GPC5: variants seen among roughly 807,000 people sequenced by gnomAD.
GPC5 encodes glypican 5.
Under a neutral mutation model 53.9 loss-of-function variants are expected in GPC5, and 47 were observed. The ratio of observed to expected loss-of-function variants is 0.87; its 90% confidence interval spans 0.69 to 1.11. GPC5 has a LOEUF of 1.11. Among genes scored for constraint, GPC5 ranks in the 50% most tolerant of loss-of-function variants. GPC5 has a pLI of 0.00. For missense variants in GPC5, 748 were observed against 713.1 expected, an observed-to-expected ratio of 1.05 and a Z score of -0.56; for synonymous variants, 286 against 263.3, an observed-to-expected ratio of 1.09 and a Z score of -0.84.
At chr13:92,567,502 C>T (rs974614321) in intron 7 of GPC5, among the ~76,000 whole-genome samples, 1 of 152,122 alleles carries the variant, frequency 6.6e-6, no homozygotes, top group African/African-American at 2.4e-5. Flanking sequence ...GGCATGAATG[C>T]TGTGAATCAA....
intron 7 of GPC5, among the ~76,000 whole-genome samples, chr13:92,371,051 A>C (rs1249727211): frequency 1.3e-5 from 2 of 152,166 alleles, no homozygotes; most frequent in Non-Finnish European, 2.9e-5. Context: ...TGGGAGGCTG[A>C]GGCAGGGATA....
intron 7 of GPC5, among the ~76,000 whole-genome samples, chr13:92,635,276 T>A (rs1169411799): frequency 6.6e-6 from 1 of 152,178 alleles, no homozygotes; most frequent in Non-Finnish European, 1.5e-5. Context: ...TCTCTATCCA[T>A]CTGTCTCAGC....
chr13:91,470,728 A>G (rs1365923158), intron 2 of GPC5, among the ~76,000 whole-genome samples: 7 of 152,182 alleles, frequency 4.6e-5, no homozygotes, highest in African/African-American at 1.7e-4. Flanking sequence ...AGTAATTAAT[A>G]TAACCAATTT....
At chr13:91,849,457 C>A (rs2038889372) in intron 5 of GPC5, among the ~76,000 whole-genome samples, 1 of 152,072 alleles carries the variant, frequency 6.6e-6, no homozygotes, top group African/African-American at 2.4e-5. Context: ...TTTATACCTT[C>A]CAGTATTTTT....
chr13:92,260,990 G>T (rs1184217325), intron 7 of GPC5, among the ~76,000 whole-genome samples: 2 of 152,022 alleles, frequency 1.3e-5, no homozygotes, highest in Non-Finnish European at 2.9e-5. Flanking sequence ...GAGTATTACT[G>T]GGAATTATAC....
At chr13:92,385,321 C>T (rs1378721926) in intron 7 of GPC5, among the ~76,000 whole-genome samples, 1 of 128,596 alleles carries the variant, frequency 7.8e-6, no homozygotes, top group East Asian at 2.2e-4. Context: ...TATATATATA[C>T]ATATATACAT....
At chr13:92,696,841 T>C (rs1887571596) in intron 7 of GPC5, among the ~76,000 whole-genome samples, 3 of 152,238 alleles carry the variant, frequency 2.0e-5, no homozygotes, top group African/African-American at 4.8e-5. Flanking sequence ...GTCTTATGTT[T>C]AAGTCTTCAA....
intron 7 of GPC5, among the ~76,000 whole-genome samples, chr13:92,514,585 T>C (rs1056830242): frequency 2.6e-5 from 4 of 152,156 alleles, no homozygotes; most frequent in African/African-American, 9.7e-5. Context: ...TAAAGGCAAA[T>C]ACATGCTCCA....
chr13:92,599,361 T>C (rs1883974643), intron 7 of GPC5, among the ~76,000 whole-genome samples: 1 of 152,104 alleles, frequency 6.6e-6, no homozygotes, highest in Non-Finnish European at 1.5e-5. Context: ...GCTAGAGTAA[T>C]GAGAAAAGTC....
At chr13:91,718,301 G>A (rs150600669) in intron 3 of GPC5, among the ~76,000 whole-genome samples, 7,036 of 152,112 alleles carry the variant, frequency 0.046, 343 homozygotes, top group African/African-American at 0.12. Context: ...TAGTAGAGAT[G>A]GGGTTTCACC....
At chr13:92,531,434 C>G (rs1171221535) in intron 7 of GPC5, among the ~76,000 whole-genome samples, 1 of 151,336 alleles carries the variant, frequency 6.6e-6, no homozygotes, top group Admixed American at 6.6e-5. Context: ...TGTATGCAAT[C>G]CAGTAAAACT....
intron 6 of GPC5, among the ~76,000 whole-genome samples, chr13:92,037,356 T>C (rs541637512): frequency 2.0e-5 from 3 of 152,296 alleles, no homozygotes; most frequent in Non-Finnish European, 4.4e-5. Context: ...CCTCAGCTAT[T>C]CAGGAGACTT....
chr13:92,753,114 G>C (rs1478619868), intron 7 of GPC5, among the ~76,000 whole-genome samples: 7 of 152,198 alleles, frequency 4.6e-5, no homozygotes, highest in Admixed American at 4.6e-4. Context: ...GAGAGCAGTG[G>C]TTCTCCCAGC....
intron 7 of GPC5, among the ~76,000 whole-genome samples, chr13:92,164,024 T>C (rs1340073371): frequency 6.6e-6 from 1 of 152,132 alleles, no homozygotes; most frequent in African/African-American, 2.4e-5. Flanking sequence ...ACTCAATCAC[T>C]ATCATGAGAA....
intron 7 of GPC5, among the ~76,000 whole-genome samples, chr13:92,772,705 T>G (rs1244141720): frequency 6.6e-6 from 1 of 152,202 alleles, no homozygotes; most frequent in Non-Finnish European, 1.5e-5. Context: ...GGCTTTCTTT[T>G]GTTCTCTGCT....
chr13:92,052,186 T>C (rs1176382972), intron 6 of GPC5, among the ~76,000 whole-genome samples: 1 of 152,180 alleles, frequency 6.6e-6, no homozygotes, highest in Non-Finnish European at 1.5e-5. Flanking sequence ...CATAGACCTG[T>C]CATGGAATGC....
chr13:92,206,221 A>G lies in GPC5; in HGVS notation c.1561+61232A>G, dbSNP rs1408347312. ...CGGTCTGTCGCCCAGGCTGGAGTGT[A>G]GTGGCGCAATCTCGGCTCACTGCAA... On this transcript the variant is annotated intron_variant, in intron 7 of 7. Coordinates refer to ENST00000377067, the MANE Select transcript of GPC5 (RefSeq NM_004466.6). 2.3e-5 allele frequency among the ~76,000 whole-genome samples: 3 copies of G among 132,952 alleles called. No homozygotes were observed. The Admixed American group carries it at 2.4e-4, about 11-fold the overall frequency. 87.2% of individuals were successfully genotyped at this position (132,952 alleles called of 152,430 possible).
chr13:92,233,393 T>C (rs1378748860), intron 7 of GPC5, among the ~76,000 whole-genome samples: 1 of 152,196 alleles, frequency 6.6e-6, no homozygotes, highest in Non-Finnish European at 1.5e-5. Flanking sequence ...AAACACTAGG[T>C]CATCGGATGG....
intron 6 of GPC5, among the ~76,000 whole-genome samples, chr13:92,097,839 G>A (rs934535466): frequency 6.6e-6 from 1 of 152,150 alleles, no homozygotes; most frequent in African/African-American, 2.4e-5. Context: ...TGATCTGGAA[G>A]GTAGAGCATT....
Sources: gnomAD v4.1 joint callset for allele counts (sites outside exome capture counted in the v4.1 genomes callset) on GRCh38, gnomAD v4.1.1 for gene constraint, MANE v1.5 for transcripts, NCBI Gene and HGNC (gene_info 2026-07-23, HGNC 2026-07-21) for gene names.